OSBPL6: variants seen among roughly 807,000 people sequenced by gnomAD.
OSBPL6 encodes oxysterol binding protein like 6.
OSBPL6 carries 49 observed loss-of-function variants against 125.8 expected under a neutral mutation model. That is an observed-to-expected ratio of 0.39 (90% CI 0.31 to 0.49). The LOEUF (loss-of-function observed/expected upper bound fraction) is 0.49. Among genes scored for constraint, OSBPL6 ranks in the 20% least tolerant of loss-of-function variants. The pLI is 0.88. For synonymous variants in OSBPL6, 394 were observed against 391.8 expected (o/e 1.01, Z -0.07); for missense variants, 986 against 1,135.4 (o/e 0.87, Z 1.89).
intron 1 of OSBPL6, among the ~76,000 whole-genome samples, chr2:178,268,769 T>C (rs79246922): frequency 0.011 from 1,732 of 152,186 alleles, 34 homozygotes; most frequent in Non-Finnish European, 0.01. Context: ...TTTTTTTTTT[T>C]CCCAGAAAAT....
At chr2:178,255,120 A>G (rs2091838476) in intron 1 of OSBPL6, among the ~76,000 whole-genome samples, 1 of 152,228 alleles carries the variant, frequency 6.6e-6, no homozygotes, top group East Asian at 1.9e-4. Flanking sequence ...CTAGGCCAGC[A>G]TGGCAAAACC....
At chr2:178,353,588 G>T (rs1691491593) in intron 12 of OSBPL6, among the ~76,000 whole-genome samples, 1 of 152,202 alleles carries the variant, frequency 6.6e-6, no homozygotes. Context: ...CAAGAAGTAT[G>T]GGACTATGTG....
At chr2:178,338,622 G>T (rs1038777992) in intron 9 of OSBPL6, among the ~76,000 whole-genome samples, 2 of 152,138 alleles carry the variant, frequency 1.3e-5, no homozygotes, top group African/African-American at 4.8e-5. Flanking sequence ...ATCTTCTAAA[G>T]CATGTTAGAG....
At chr2:178,243,648 T>G (rs759599394) in intron 1 of OSBPL6, among the ~76,000 whole-genome samples, 52 of 152,218 alleles carry the variant, frequency 3.4e-4, no homozygotes, top group Admixed American at 7.2e-4. Flanking sequence ...TCATTCTGGG[T>G]TTTTTTGTTT....
intron 1 of OSBPL6, among the ~76,000 whole-genome samples, chr2:178,237,229 G>C (rs1263340020): frequency 6.6e-6 from 1 of 152,120 alleles, no homozygotes; most frequent in Non-Finnish European, 1.5e-5. Context: ...CATGGGGGCT[G>C]TTCCAAGTGT....
intron 1 of OSBPL6, among the ~76,000 whole-genome samples, chr2:178,203,862 T>A (rs1295756399): frequency 6.6e-6 from 1 of 152,184 alleles, no homozygotes; most frequent in East Asian, 1.9e-4. Context: ...CGCTGAATCA[T>A]GAGGCTTTCT....
chr2:178,372,371 G>C (rs1440019546), intron 14 of OSBPL6, 138 bp downstream of exon 14: 1 of 577,848 alleles, frequency 1.7e-6, no homozygotes, highest in African/African-American at 1.9e-5. Flanking sequence ...TGACAGTTCA[G>C]TGTTCTTTGA....
intron 21 of OSBPL6, 73 bp downstream of exon 21, chr2:178,389,226 C>T (rs1360180650): frequency 1.4e-6 from 2 of 1,427,328 alleles, no homozygotes; most frequent in African/African-American, 2.8e-5. Context: ...GAATAATCAC[C>T]TTAAATAGCA....
chr2:178,197,818 T>C (rs1286283019), intron 1 of OSBPL6, among the ~76,000 whole-genome samples: 1 of 152,166 alleles, frequency 6.6e-6, no homozygotes, highest in East Asian at 1.9e-4. Flanking sequence ...CCAGTGATGA[T>C]ATTTTAAGGT....
At chr2:178,224,181 G>A (rs1324522137) in intron 1 of OSBPL6, among the ~76,000 whole-genome samples, 1 of 152,116 alleles carries the variant, frequency 6.6e-6, no homozygotes, top group African/African-American at 2.4e-5. Context: ...AAGGAAAGGG[G>A]GATCAAGAGA....
chr2:178,357,190 T>C (rs1347493649), intron 12 of OSBPL6, among the ~76,000 whole-genome samples: 3 of 152,192 alleles, frequency 2.0e-5, no homozygotes, highest in Admixed American at 1.3e-4. Context: ...AAGGACTTCA[T>C]GACTAAAACA....
intron 15 of OSBPL6, among the ~76,000 whole-genome samples, chr2:178,379,065 A>C (rs930081787): frequency 1.7e-4 from 26 of 151,848 alleles, no homozygotes; most frequent in Non-Finnish European, 2.6e-4. Context: ...CAGCTCCTTC[A>C]GGAGGCTGAG....
At chr2:178,328,431 C>A in intron 5 of OSBPL6, 53 bp downstream of exon 5, 4 of 1,585,828 alleles carry the variant, frequency 2.5e-6, no homozygotes, top group Non-Finnish European at 3.4e-6. Context: ...TAAAGAAGAT[C>A]TTATTTGCTA....
intron 1 of OSBPL6, among the ~76,000 whole-genome samples, chr2:178,239,181 C>T (rs1159483668): frequency 1.3e-5 from 2 of 152,152 alleles, no homozygotes; most frequent in African/African-American, 2.4e-5. Flanking sequence ...GAGCATGTTA[C>T]ACCCAAAATA....
chr2:178,372,502 T>C (rs1031360493), intron 14 of OSBPL6, among the ~76,000 whole-genome samples: 2 of 152,134 alleles, frequency 1.3e-5, no homozygotes, highest in Admixed American at 6.6e-5. Flanking sequence ...TCCAGCTTGT[T>C]AATTTTCAAT....
At position 178,306,174 on chromosome 2, in the gene OSBPL6, T is replaced by G; in HGVS notation, c.-11T>G. On this transcript the variant is annotated 5_prime_UTR_variant, in exon 3 of 25. Transcript: ENST00000190611. ...GTCTTAAGTGCATAAAACGAGACTC[T>G]AACTGCAGCGATGAGTTCAGATGAG... 1.3e-6 allele frequency: 2 copies of G among 1,587,232 alleles called. No individual in the cohort carries two copies. The highest frequency in any genetic ancestry group is 1.7e-6 in the Non-Finnish European group (2 of 1,155,618).
In OSBPL6 at chr2:178,397,079, T is replaced by C. The variant is rs1695891747; in HGVS notation, c.*1520T>C. 6.6e-6 allele frequency: 1 copy of C among 152,226 alleles called. No homozygotes were observed. The highest frequency in any genetic ancestry group is 1.5e-5 in the Non-Finnish European group (1 of 68,032). The allele number at this position is 152,226 out of a possible 1,614,324, so 9.4% of individuals were successfully genotyped here. On this transcript the variant is annotated 3_prime_UTR_variant, in exon 25 of 25. Coordinates refer to ENST00000190611, the MANE Select transcript of OSBPL6 (RefSeq NM_032523.4). ...GATACAGTTACAGACACTTTACATT[T>C]TATTATGAGGTGTTGATTTTAGTGG...
At chr2:178,290,311 A>G (rs1240411887) in intron 2 of OSBPL6, among the ~76,000 whole-genome samples, 1 of 152,170 alleles carries the variant, frequency 6.6e-6, no homozygotes, top group Admixed American at 6.5e-5. Flanking sequence ...TAGTTTCTTC[A>G]AAAGGTGATA....
chr2:178,238,937 G>A (rs1282159618), intron 1 of OSBPL6, among the ~76,000 whole-genome samples: 1 of 152,188 alleles, frequency 6.6e-6, no homozygotes, highest in African/African-American at 2.4e-5. Flanking sequence ...TCACCTCCAT[G>A]TGGATGATTT....
Sources: gnomAD v4.1 joint callset for allele counts (sites outside exome capture counted in the v4.1 genomes callset) on GRCh38, gnomAD v4.1.1 for gene constraint, MANE v1.5 for transcripts, NCBI Gene and HGNC (gene_info 2026-07-23, HGNC 2026-07-21) for gene names.